EDDM13: variants seen among roughly 807,000 people sequenced by gnomAD.
The protein encoded by EDDM13 is epididymal protein 13.
Under a neutral mutation model 17.8 loss-of-function variants are expected in EDDM13, and 24 were observed. The ratio of observed to expected loss-of-function variants is 1.35; its 90% CI spans 0.98 to 1.90. The LOEUF is 1.90. Ranked by LOEUF, EDDM13 falls within the 40% of genes most tolerant of loss-of-function variation. EDDM13 has a pLI of 0.00. For missense variants in EDDM13, 97 were observed against 100.8 expected (o/e 0.96, Z 0.16); for synonymous variants, 31 against 37.5 (o/e 0.83, Z 0.63).
At chr19:56,307,644 T>C (rs1432958063) in intron 14 of EDDM13, among the ~76,000 whole-genome samples, 1 of 152,174 alleles carries the variant, frequency 6.6e-6, no homozygotes, top group Admixed American at 6.5e-5. Context: ...CCCACAGAGA[T>C]AAGTCACTGC....
intron 12 of EDDM13, chr19:56,300,037 T>C (rs570232541): frequency 1.1e-4 from 17 of 152,294 alleles, no homozygotes; most frequent in African/African-American, 3.9e-4. Flanking sequence ...ATAGATGTGA[T>C]TGTGTACCTT....
chr19:56,299,532 G>T (rs961538252), intron 12 of EDDM13, among the ~76,000 whole-genome samples: 1 of 151,994 alleles, frequency 6.6e-6, no homozygotes. Context: ...CAAAGAACAA[G>T]CTGTTTAAGG....
At chr19:56,281,017 T>A (rs2038655364) in intron 2 of EDDM13, among the ~76,000 whole-genome samples, 1 of 152,240 alleles carries the variant, frequency 6.6e-6, no homozygotes, top group African/African-American at 2.4e-5. Flanking sequence ...ACGAATAGCC[T>A]ACTGTTGACC....
chr19:56,278,808 C>T (rs59820036), intron 2 of EDDM13, among the ~76,000 whole-genome samples: 3,466 of 152,004 alleles, frequency 0.023, 125 homozygotes, highest in African/African-American at 0.079. Context: ...ATCCCAAAAG[C>T]TGGAGTACCT....
chr19:56,282,701 T>G (rs1343670821), intron 4 of EDDM13, among the ~76,000 whole-genome samples: 1 of 152,174 alleles, frequency 6.6e-6, no homozygotes, highest in Non-Finnish European at 1.5e-5. Flanking sequence ...TTGTCTCCCC[T>G]CAAAGCCACT....
Position 56,274,444 on chromosome 19 carries a change from ACT to A in EDDM13, c.85+1528_85+1529del, listed in dbSNP as rs954436816. 2.8e-5 allele frequency: 4 copies of A among 141,766 alleles called. No individual in the cohort carries two copies. The East Asian group carries it at 6.0e-4, about 21-fold the overall frequency. The allele number at this position is 141,766 out of a possible 1,614,324, so 8.8% of individuals were successfully genotyped here. On this transcript the variant is annotated intron_variant, in intron 1 of 14. Transcript: ENST00000649256. ...ACTCCAGCCTGGGAAACAGAGCAAG[ACT>A]CTGTTTCAAAAAGAAAAAAAGAAAA...
chr19:56,274,496 C>A (rs1229619575), intron 1 of EDDM13: 1 of 151,424 alleles, frequency 6.6e-6, no homozygotes, highest in African/African-American at 2.4e-5. Flanking sequence ...TAGAGGAACA[C>A]GTTTTTTAAA....
intron 2 of EDDM13, among the ~76,000 whole-genome samples, chr19:56,280,319 G>A (rs2038595197): frequency 6.6e-6 from 1 of 152,062 alleles, no homozygotes; most frequent in Admixed American, 6.6e-5. Flanking sequence ...TTTCTTGTAT[G>A]GAAGTCCACA....
chr19:56,272,847 G>A lies in EDDM13; in HGVS notation c.13G>A (p.Glu5Lys), dbSNP rs2037953461. The A allele has an allele frequency of 2.0e-6, 2 of 985,116 alleles. No homozygotes were observed. The highest frequency in any genetic ancestry group is 1.2e-4 in the Admixed American group (2 of 16,250). The allele number at this position is 985,116 out of a possible 1,614,324, so 61.0% of individuals were successfully genotyped here. Residue 5 changes from glutamate (E) to lysine (K), a missense_variant, in exon 1 of 15, where the codon GAG (glutamate) becomes AAG (lysine). Physicochemically the swap from Glu to Lys is moderately conservative, Grantham distance 56. Transcript: ENST00000649256. MHRSEPFLKMSLLIL... is the reference protein window; with the variant it reads MHRSKPFLKMSLLIL... The stretch of plus-strand genomic sequence containing the variant: ...TCCCAGCCCCATCATGCACAGATCA[G>A]AGCCATTTCTGAAAATGTCGCTGCT...
chr19:56,281,769 AAG>A, intron 3 of EDDM13, 71 bp downstream of exon 3: 1 of 925,412 alleles, frequency 1.1e-6, no homozygotes, highest in Middle Eastern at 5.5e-4. Flanking sequence ...AAGGGAATGA[AAG>A]AGAGAGGCAA....
Position 56,309,933 on chromosome 19 carries a change from G to A in EDDM13, c.462-191G>A, listed in dbSNP as rs144174492. Among the ~76,000 whole-genome samples the A allele has an allele frequency of 4.6e-3, 693 of 152,216 alleles. 5 individuals are homozygous for A. Among genetic ancestry groups the A allele is most frequent in the African/African-American group, 0.015 (608 of 41,530 alleles). The stretch of plus-strand genomic sequence containing the variant: ...CGTGTTCCAGCTGCTGGAACAGCCC[G>A]GTGGGAATAGGGACAAACTTGGTGG... On this transcript the variant is annotated intron_variant, in intron 14 of 14. Coordinates refer to ENST00000649256, the MANE Select transcript of EDDM13 (RefSeq NM_001354658.2).
At chr19:56,282,768 G>C (rs2038811432) in intron 4 of EDDM13, among the ~76,000 whole-genome samples, 1 of 152,176 alleles carries the variant, frequency 6.6e-6, no homozygotes, top group Non-Finnish European at 1.5e-5. Context: ...AAAGCTATTA[G>C]GTCTGAGAGC....
intron 12 of EDDM13, among the ~76,000 whole-genome samples, chr19:56,301,546 G>A (rs1004681428): frequency 1.5e-4 from 23 of 152,138 alleles, no homozygotes; most frequent in African/African-American, 5.3e-4. Context: ...GGGTCTTTGC[G>A]ACTTGTATCT....
At chr19:56,295,212 A>G (rs2039786259) in intron 9 of EDDM13, 1 of 152,228 alleles carries the variant, frequency 6.6e-6, no homozygotes, top group African/African-American at 2.4e-5. Flanking sequence ...ATTAAAAAAC[A>G]AAGTTCAGAA....
chr19:56,278,998 G>C (rs1457458275), intron 2 of EDDM13, among the ~76,000 whole-genome samples: 1 of 152,136 alleles, frequency 6.6e-6, no homozygotes, highest in East Asian at 1.9e-4. Flanking sequence ...ATATCCTCCA[G>C]AAACACCTTC....
intron 2 of EDDM13, among the ~76,000 whole-genome samples, chr19:56,277,889 C>T (rs1287673291): frequency 6.6e-6 from 1 of 151,914 alleles, no homozygotes; most frequent in African/African-American, 2.4e-5. Context: ...CACTTGTACC[C>T]CTAAAGCTAC....
intron 13 of EDDM13, among the ~76,000 whole-genome samples, chr19:56,304,259 G>A (rs1310966679): frequency 6.6e-6 from 1 of 152,208 alleles, no homozygotes. Context: ...TTATGCGCTG[G>A]GTGTGAGGAA....
At chr19:56,291,536 C>A (rs139483458) in intron 9 of EDDM13, among the ~76,000 whole-genome samples, 8 of 152,256 alleles carry the variant, frequency 5.3e-5, no homozygotes, top group African/African-American at 1.9e-4. Flanking sequence ...TTAATTTCTT[C>A]CTTTTCCTCT....
intron 6 of EDDM13, among the ~76,000 whole-genome samples, chr19:56,287,609 GC>G (rs1224492912): frequency 1.3e-5 from 2 of 152,154 alleles, no homozygotes; most frequent in African/African-American, 2.4e-5. Context: ...TGAAGTGCCT[GC>G]CACGAAACCA....
Sources: gnomAD v4.1 joint callset for allele counts (sites outside exome capture counted in the v4.1 genomes callset) on GRCh38, gnomAD v4.1.1 for gene constraint, MANE v1.5 for transcripts, NCBI Gene and HGNC (gene_info 2026-07-23, HGNC 2026-07-21) for gene names.